Variants in MSH3 observed in about 807,000 individuals in gnomAD.
The protein encoded by MSH3 is mutS homolog 3.
A neutral mutation model predicts 123.3 loss-of-function variants in MSH3; 106 were observed. The ratio of observed to expected loss-of-function variants is 0.86; its 90% CI spans 0.73 to 1.01. The LOEUF (loss-of-function observed/expected upper bound fraction) is 1.01. MSH3 is among the 50% of genes least tolerant of loss of function. MSH3 has a pLI of 0.00. For synonymous variants in MSH3, 515 were observed against 481.4 expected, an observed-to-expected ratio of 1.07 and a Z score of -0.91; for missense variants, 1,459 against 1,347.6, an observed-to-expected ratio of 1.08 and a Z score of -1.29.
intron 7 of MSH3, among the ~76,000 whole-genome samples, chr5:80,675,793 A>G (rs6151653): frequency 0.23 from 34,569 of 152,070 alleles, 4,123 homozygotes; most frequent in Non-Finnish European, 0.27. Context: ...TGTGTGGACA[A>G]TGTACAGATA....
chr5:80,703,804 GT>G (rs553533708), intron 8 of MSH3, among the ~76,000 whole-genome samples: 280 of 149,180 alleles, frequency 1.9e-3, no homozygotes, highest in African/African-American at 5.9e-3. Flanking sequence ...CATATAAAGA[GT>G]TTTTTTTTTA....
At chr5:80,685,198 CTCCTT>C (rs1750059246) in intron 8 of MSH3, among the ~76,000 whole-genome samples, 1 of 116,990 alleles carries the variant, frequency 8.5e-6, no homozygotes, top group Admixed American at 1.0e-4. Flanking sequence ...TGGAAGTATT[CTCCTT>C]TTTTTTTTTT....
intron 19 of MSH3, among the ~76,000 whole-genome samples, chr5:80,809,543 A>C (rs566343211): frequency 6.6e-6 from 1 of 152,196 alleles, no homozygotes; most frequent in Non-Finnish European, 1.5e-5. Context: ...AAACATTTCT[A>C]TTTCTGCATT....
chr5:80,738,056 C>T (rs1743544873), intron 10 of MSH3, among the ~76,000 whole-genome samples: 1 of 152,184 alleles, frequency 6.6e-6, no homozygotes, highest in African/African-American at 2.4e-5. Context: ...ACACACACAA[C>T]ACATTAATAC....
chr5:80,677,481 A>G (rs1224632340), intron 7 of MSH3, among the ~76,000 whole-genome samples: 1 of 152,184 alleles, frequency 6.6e-6, no homozygotes, highest in Non-Finnish European at 1.5e-5. Context: ...CTTGGTTTGT[A>G]GATTGGTATA....
chr5:80,738,587 C>T (rs966828251), intron 10 of MSH3, among the ~76,000 whole-genome samples: 7 of 152,088 alleles, frequency 4.6e-5, no homozygotes, highest in African/African-American at 1.7e-4. Context: ...GAGGAGGCAA[C>T]TGGGCAGTAT....
At chr5:80,761,699 T>C in intron 13 of MSH3, 21 bp downstream of exon 13, 11 of 1,613,952 alleles carry the variant, frequency 6.8e-6, no homozygotes, top group Non-Finnish European at 9.3e-6. Flanking sequence ...TAGAAATCTA[T>C]TAAAGCTGAC....
At chr5:80,800,812 A>G (rs1054529400) in intron 19 of MSH3, among the ~76,000 whole-genome samples, 5 of 152,226 alleles carry the variant, frequency 3.3e-5, no homozygotes, top group Admixed American at 6.5e-5. Flanking sequence ...TCTCATGAGA[A>G]CTTACTTTCT....
chr5:80,757,283 G>T (rs1015802683), intron 12 of MSH3, among the ~76,000 whole-genome samples: 35 of 151,706 alleles, frequency 2.3e-4, no homozygotes, highest in Admixed American at 8.5e-4. Context: ...TAAATTGTTG[G>T]CTGTAGTCAC....
At chr5:80,764,283 C>T (rs777680269) in intron 13 of MSH3, among the ~76,000 whole-genome samples, 1 of 152,154 alleles carries the variant, frequency 6.6e-6, no homozygotes, top group Non-Finnish European at 1.5e-5. Context: ...TTTTGTGGAA[C>T]GTGCCCTGGA....
intron 8 of MSH3, among the ~76,000 whole-genome samples, chr5:80,715,885 A>G (rs1264539975): frequency 1.3e-5 from 2 of 152,168 alleles, no homozygotes; most frequent in Non-Finnish European, 2.9e-5. Context: ...GGGGATTACA[A>G]TTTGATACGA....
intron 19 of MSH3, among the ~76,000 whole-genome samples, chr5:80,812,284 C>T (rs1745021694): frequency 6.6e-6 from 1 of 152,142 alleles, no homozygotes; most frequent in Non-Finnish European, 1.5e-5. Flanking sequence ...CTTTGATACC[C>T]AGTTGTTTGT....
intron 20 of MSH3, among the ~76,000 whole-genome samples, chr5:80,816,155 CCACAGT>C (rs1745099172): frequency 6.6e-6 from 1 of 152,168 alleles, no homozygotes; most frequent in Non-Finnish European, 1.5e-5. Flanking sequence ...TACAAAGGAA[CCACAGT>C]TTTTGATTTC....
intron 10 of MSH3, among the ~76,000 whole-genome samples, chr5:80,731,825 C>T (rs929582251): frequency 6.6e-6 from 1 of 152,064 alleles, no homozygotes; most frequent in Non-Finnish European, 1.5e-5. Flanking sequence ...AATTCAGTTG[C>T]ATTATTTTAT....
intron 19 of MSH3, among the ~76,000 whole-genome samples, chr5:80,809,336 ATTATT>A (rs1406231181): frequency 2.0e-5 from 3 of 151,766 alleles, no homozygotes; most frequent in Non-Finnish European, 4.4e-5. Flanking sequence ...ATCTTATTAA[ATTATT>A]TTAGTTTACC....
At chr5:80,772,945 C>T (rs1052556566) in intron 15 of MSH3, among the ~76,000 whole-genome samples, 1 of 152,146 alleles carries the variant, frequency 6.6e-6, no homozygotes, top group Non-Finnish European at 1.5e-5. Context: ...TCCTGACTCT[C>T]GCTGTTTTCC....
At position 80,827,080 on chromosome 5, in the gene MSH3, GA is replaced by G. The variant is rs1363782617; in HGVS notation, c.2813+13341del. On this transcript the variant is annotated intron_variant, in intron 20 of 23. Coordinates refer to ENST00000265081, the MANE Select transcript of MSH3 (RefSeq NM_002439.5). ...GATAAGATCTGTTTATTATCTTGAT[GA>G]ATATAAACTTAAATCTCATCTAGCC... Among the ~76,000 whole-genome samples the G allele has an allele frequency of 5.9e-5, 9 of 152,232 alleles. No individual in the cohort carries two copies. The East Asian group carries it at 1.7e-3, about 29-fold the overall frequency.
At chr5:80,865,767 C>T (rs187440248) in intron 22 of MSH3, among the ~76,000 whole-genome samples, 2 of 152,110 alleles carry the variant, frequency 1.3e-5, no homozygotes, top group East Asian at 3.9e-4. Flanking sequence ...TGCAAGATAC[C>T]CCAGAGTCCA....
intron 10 of MSH3, among the ~76,000 whole-genome samples, chr5:80,729,429 A>ATGT (rs1561458052): frequency 8.0e-4 from 50 of 62,758 alleles, no homozygotes; most frequent in African/African-American, 3.2e-3. Flanking sequence ...AAAAAAAAAA[A>ATGT]ATGTGTGTGT....
Sources: allele counts gnomAD v4.1 joint callset (sites outside exome capture counted in the v4.1 genomes callset), GRCh38; gene constraint gnomAD v4.1.1; transcripts MANE v1.5; gene names NCBI Gene and HGNC (gene_info 2026-07-23, HGNC 2026-07-21).